MS4A6E: variants seen among roughly 807,000 people sequenced by gnomAD.
MS4A6E encodes membrane spanning 4-domains A6E.
Under a neutral mutation model 13.2 loss-of-function variants are expected in MS4A6E, and 8 were observed. The observed-to-expected ratio is 0.60, with a 90% CI of 0.35 to 1.09. The LOEUF is 1.09. MS4A6E is among the 50% of genes least tolerant of loss of function. The probability of loss-of-function intolerance (pLI) is 0.02; values close to 1 mark genes in which losing one functional copy is unlikely to be tolerated. For synonymous variants in MS4A6E, 72 were observed against 67.6 expected (o/e 1.06, Z -0.32); for missense variants, 177 against 171.1 (o/e 1.03, Z -0.19).
chr11:60,330,364 C>T (rs940048045), intron 1 of MS4A6E, among the ~76,000 whole-genome samples: 16 of 64,830 alleles, frequency 2.5e-4, no homozygotes, highest in Middle Eastern at 0.016. Flanking sequence ...TTTTTTTAGG[C>T]GGAGTCTCAC....
chr11:60,342,205 G>T (rs2085232047), downstream of MS4A6E, among the ~76,000 whole-genome samples: 1 of 66,120 alleles, frequency 1.5e-5, no homozygotes, highest in Non-Finnish European at 2.7e-5. Context: ...GAGAGAGGGG[G>T]GGGGAGAGAA....
intron 1 of MS4A6E, among the ~76,000 whole-genome samples, chr11:60,330,826 T>C (rs2085150842): frequency 6.6e-6 from 1 of 152,222 alleles, no homozygotes. Context: ...GTTTTAGTTT[T>C]CTGCATATGG....
chr11:60,348,941 A>G (rs1240535709), intron 4 of MS4A6E, among the ~76,000 whole-genome samples: 1 of 152,196 alleles, frequency 6.6e-6, no homozygotes, highest in Non-Finnish European at 1.5e-5. Flanking sequence ...CCACTTCTAT[A>G]CTCAGGAGAA....
chr11:60,327,499 A>G (rs2085127211), intron 1 of MS4A6E, among the ~76,000 whole-genome samples, 91 bp downstream of exon 1: 1 of 152,198 alleles, frequency 6.6e-6, no homozygotes, highest in African/African-American at 2.4e-5. Flanking sequence ...ACTGGTACCA[A>G]TAAGTGGAGT....
At chr11:60,344,109 T>C (rs532711857), downstream of MS4A6E, among the ~76,000 whole-genome samples, 1 of 152,304 alleles carries the variant, frequency 6.6e-6, no homozygotes, top group South Asian at 2.1e-4. Flanking sequence ...CTTAATTTAA[T>C]AGAAAATCAT....
chr11:60,342,371 A>T (rs1476910626), downstream of MS4A6E, among the ~76,000 whole-genome samples: 1 of 152,116 alleles, frequency 6.6e-6, no homozygotes, highest in Non-Finnish European at 1.5e-5. Context: ...AAAATTGAAG[A>T]CATGGACACA....
chr11:60,336,304 A>G (rs1278303766), intron 2 of MS4A6E, among the ~76,000 whole-genome samples: 1 of 152,216 alleles, frequency 6.6e-6, no homozygotes, highest in African/African-American at 2.4e-5. Context: ...ACTGAATTTT[A>G]AATTTTACTT....
chr11:60,329,064 T>C (rs1052542345), intron 1 of MS4A6E, among the ~76,000 whole-genome samples: 1 of 152,202 alleles, frequency 6.6e-6, no homozygotes, highest in African/African-American at 2.4e-5. Flanking sequence ...TACACAGGTA[T>C]ACACGTGCCA....
downstream of MS4A6E, among the ~76,000 whole-genome samples, chr11:60,342,209 G>GC (rs1296883782): frequency 7.1e-6 from 1 of 141,516 alleles, no homozygotes; most frequent in African/African-American, 2.7e-5. Context: ...GAGGGGGGGG[G>GC]AGAGAAAGAC....
intron 1 of MS4A6E, among the ~76,000 whole-genome samples, chr11:60,328,983 T>A (rs921570714): frequency 6.6e-6 from 1 of 152,162 alleles, no homozygotes; most frequent in African/African-American, 2.4e-5. Flanking sequence ...AAATAATAGA[T>A]ATGTTAATTT....
downstream of MS4A6E, among the ~76,000 whole-genome samples, chr11:60,342,144 AGTGTGTGTGTGTGTGT>A (rs757687887): frequency 8.0e-6 from 1 of 125,412 alleles, no homozygotes; most frequent in Non-Finnish European, 1.7e-5. Flanking sequence ...AGGATAAACA[AGTGTGTGTGTGTGTGT>A]GTGTGTGTGT....
At chr11:60,345,489 A>G (rs1032840089), downstream of MS4A6E, among the ~76,000 whole-genome samples, 1 of 152,184 alleles carries the variant, frequency 6.6e-6, no homozygotes, top group African/African-American at 2.4e-5. Flanking sequence ...CTTCACAGCT[A>G]CTATCTGTGA....
chr11:60,333,411 C>A (rs2135057294), intron 1 of MS4A6E, among the ~76,000 whole-genome samples: 1 of 152,178 alleles, frequency 6.6e-6, no homozygotes, highest in Middle Eastern at 3.4e-3. Flanking sequence ...ATCCAAAGAA[C>A]AATATCTCAC....
chr11:60,344,484 C>T (rs550154990), downstream of MS4A6E, among the ~76,000 whole-genome samples: 22 of 152,302 alleles, frequency 1.4e-4, no homozygotes, highest in East Asian at 1.2e-3. Flanking sequence ...TTGGTAAGTT[C>T]TCTCCTGAAA....
At position 60,334,920 on chromosome 11, in the gene MS4A6E, G is replaced by A. The variant is rs771134656; in HGVS notation, c.25G>A (p.Glu9Lys). 1.9e-6 allele frequency: 3 copies of A among 1,614,086 alleles called. No individual in the cohort carries two copies. The highest frequency in any genetic ancestry group is 2.5e-6 in the Non-Finnish European group (3 of 1,179,938). Residue 9 changes from glutamate to lysine, a missense_variant, in exon 2 of 5, where the codon GAG (glutamate) becomes AAG (lysine). Coordinates refer to ENST00000684409, the MANE Select transcript of MS4A6E (RefSeq NM_139249.4). MTSQPISN[E>K]TIIMLPSNVI... Reference sequence around the variant, plus strand: ...TATGACATCACAACCTATTTCCAATGAGACCATCATAATGCTCCCATCAAA... The same window carrying A: ...TATGACATCACAACCTATTTCCAATAAGACCATCATAATGCTCCCATCAAA...
rs191998315 is a variant in MS4A6E, at chr11:60,348,929, G to T, written c.*162+8001G>T. ...CTCAAAATGAATGGACAGAATTGAG[G>T]TCCACTTCTATACTCAGGAGAAGAA... On this transcript the variant is annotated intron_variant and NMD_transcript_variant, in intron 4 of 4. Transcript: ENST00000532756. 2.0e-5 allele frequency among the ~76,000 whole-genome samples: 3 copies of T among 152,192 alleles called. No individual in the cohort carries two copies. In the East Asian group the frequency reaches 5.8e-4, roughly 29 times the overall value.
intron 1 of MS4A6E, among the ~76,000 whole-genome samples, 34 bp downstream of exon 1, chr11:60,327,442 C>A (rs187570994): frequency 7.8e-4 from 119 of 152,274 alleles, no homozygotes; most frequent in Non-Finnish European, 1.5e-3. Context: ...TATAATTACC[C>A]AGTTTGTGGT....
rs2135058634 is a variant in MS4A6E, at chr11:60,334,921, A to G, written c.26A>G (p.Glu9Gly). 1 of 1,614,120 alleles carries G rather than the reference A, an allele frequency of 6.2e-7. No homozygotes were observed. Among genetic ancestry groups the G allele is most frequent in the Non-Finnish European group, 8.5e-7 (1 of 1,179,952 alleles). MTSQPISN[E>G]TIIMLPSNVI... ...ATGACATCACAACCTATTTCCAATG[A>G]GACCATCATAATGCTCCCATCAAAT... The change falls in exon 2 of 5, where the codon GAG becomes GGG. Residue 9 changes from glutamate to glycine, a missense_variant. Coordinates refer to ENST00000684409, the MANE Select transcript of MS4A6E (RefSeq NM_139249.4).
chr11:60,337,317 A>G (rs1460193110), intron 2 of MS4A6E, among the ~76,000 whole-genome samples: 1 of 152,178 alleles, frequency 6.6e-6, no homozygotes, highest in Admixed American at 6.5e-5. Context: ...ATGCTAATAC[A>G]CCATCCAGAT....
Sources: allele counts gnomAD v4.1 joint callset (sites outside exome capture counted in the v4.1 genomes callset), GRCh38; gene constraint gnomAD v4.1.1; transcripts MANE v1.5; gene names NCBI Gene and HGNC (gene_info 2026-07-23, HGNC 2026-07-21).